FTCDNL1: variants seen among roughly 807,000 people sequenced by gnomAD.
FTCDNL1 encodes the protein formiminotransferase cyclodeaminase N-terminal like, also known as formiminotransferase N-terminal subdomain-containing protein.
FTCDNL1 carries 11 observed loss-of-function variants against 5.9 expected under a neutral mutation model. That is an observed-to-expected ratio of 1.87 (90% CI 1.18 to 3.10). FTCDNL1 has a LOEUF of 3.10. Among genes scored for constraint, FTCDNL1 ranks in the 30% most tolerant of loss-of-function variants. The pLI, the probability that FTCDNL1 is intolerant of heterozygous loss-of-function variation, is 0.00. For synonymous variants in FTCDNL1, 58 were observed against 24.8 expected (o/e 2.34, Z -3.99); for missense variants, 115 against 65.5 (o/e 1.76, Z -2.61).
intron 2 of FTCDNL1, among the ~76,000 whole-genome samples, chr2:199,847,350 G>T (rs527902867): frequency 6.6e-6 from 1 of 152,072 alleles, no homozygotes; most frequent in East Asian, 1.9e-4. Context: ...AAAAGATGAA[G>T]TAAGAAGAAG....
At chr2:199,770,804 G>A (rs1266012303) in intron 3 of FTCDNL1, among the ~76,000 whole-genome samples, 9 of 152,164 alleles carry the variant, frequency 5.9e-5, no homozygotes, top group Non-Finnish European at 8.8e-5. Flanking sequence ...ACAGCTACAT[G>A]CTGAATAGAA....
downstream of FTCDNL1, among the ~76,000 whole-genome samples, chr2:199,759,149 A>ATATATG (rs1366428789): frequency 2.0e-5 from 3 of 151,812 alleles, no homozygotes; most frequent in Non-Finnish European, 4.4e-5. Flanking sequence ...GTGTATATAT[A>ATATATG]TATATACACA....
chr2:199,792,694 G>A (rs568281805), intron 3 of FTCDNL1, among the ~76,000 whole-genome samples: 1 of 152,152 alleles, frequency 6.6e-6, no homozygotes, highest in South Asian at 2.1e-4. Context: ...ATTTCCCTCT[G>A]ATGACTTCTT....
the FTCDNL1 span, among the ~76,000 whole-genome samples, chr2:199,694,502 C>T: frequency 6.6e-6 from 1 of 152,192 alleles, no homozygotes; most frequent in African/African-American, 2.4e-5. Context: ...GCTATTGCTT[C>T]AATAATGCTA....
At chr2:199,697,551 A>G in the FTCDNL1 span, among the ~76,000 whole-genome samples, 2 of 152,220 alleles carry the variant, frequency 1.3e-5, no homozygotes, top group East Asian at 3.9e-4. Context: ...GCAAAGAAAA[A>G]GCAAAATCCT....
chr2:199,719,070 T>C, the FTCDNL1 span, among the ~76,000 whole-genome samples: 4,139 of 152,238 alleles, frequency 0.027, 186 homozygotes, highest in African/African-American at 0.094. Context: ...TGTCTATTTT[T>C]GTTTTTGTTG....
intron 3 of FTCDNL1, among the ~76,000 whole-genome samples, chr2:199,803,186 C>T (rs80300783): frequency 6.0e-5 from 6 of 100,056 alleles, no homozygotes; most frequent in Admixed American, 3.9e-4. Context: ...GGAGGAATAC[C>T]GTCTCAAAAA....
the FTCDNL1 span, among the ~76,000 whole-genome samples, chr2:199,711,401 C>A: frequency 6.6e-6 from 1 of 151,786 alleles, no homozygotes; most frequent in Non-Finnish European, 1.5e-5. Context: ...GAAATGAATT[C>A]TCTGCATAAT....
At chr2:199,807,735 C>A (rs1438901108), downstream of FTCDNL1, among the ~76,000 whole-genome samples, 4 of 152,174 alleles carry the variant, frequency 2.6e-5, no homozygotes, top group Admixed American at 2.0e-4. Context: ...TATTTTAAAC[C>A]ATTAACTAAA....
At chr2:199,675,855 A>G in the FTCDNL1 span, among the ~76,000 whole-genome samples, 35 of 152,176 alleles carry the variant, frequency 2.3e-4, no homozygotes, top group Middle Eastern at 3.4e-3. Flanking sequence ...GGCTTGAGGG[A>G]TCCTCCCACC....
chr2:199,829,971 C>T (rs187670360), intron 3 of FTCDNL1, among the ~76,000 whole-genome samples: 6 of 152,154 alleles, frequency 3.9e-5, no homozygotes, highest in Non-Finnish European at 7.4e-5. Context: ...AAGTATCAAA[C>T]CTTTCCCTAA....
At chr2:199,760,291 T>C (rs1030001795), downstream of FTCDNL1, among the ~76,000 whole-genome samples, 2 of 151,564 alleles carry the variant, frequency 1.3e-5, no homozygotes, top group East Asian at 1.9e-4. Context: ...AACTTTCCCA[T>C]AACAGAGAGA....
chr2:199,819,951 A>C (rs1701584702), intron 3 of FTCDNL1, among the ~76,000 whole-genome samples, 194 bp from the exon 4 acceptor site: 1 of 152,254 alleles, frequency 6.6e-6, no homozygotes, highest in African/African-American at 2.4e-5. Flanking sequence ...CACATGATTT[A>C]TACAAATTTT....
At chr2:199,791,440 A>G (rs2106363907) in intron 3 of FTCDNL1, among the ~76,000 whole-genome samples, 1 of 152,310 alleles carries the variant, frequency 6.6e-6, no homozygotes, top group African/African-American at 2.4e-5. Flanking sequence ...TTAAACGTCA[A>G]CTATTAGATT....
At chr2:199,821,316 A>ATTTT (rs34899809) in intron 3 of FTCDNL1, among the ~76,000 whole-genome samples, 3 of 133,878 alleles carry the variant, frequency 2.2e-5, no homozygotes, top group Non-Finnish European at 3.2e-5. Context: ...AGCCTGGCTA[A>ATTTT]TTTTTTTTTT....
intron 3 of FTCDNL1, among the ~76,000 whole-genome samples, chr2:199,842,140 C>T (rs910989354): frequency 6.6e-6 from 1 of 151,792 alleles, no homozygotes; most frequent in African/African-American, 2.4e-5. Flanking sequence ...TGGCAGTGCA[C>T]ACCTATAGTC....
intron 3 of FTCDNL1, among the ~76,000 whole-genome samples, chr2:199,768,892 G>A (rs12373788): frequency 0.12 from 18,895 of 152,148 alleles, 1,561 homozygotes; most frequent in East Asian, 0.18. Flanking sequence ...CAAAGGAAAC[G>A]TTTGGATGGG....
At chr2:199,846,366 G>T (rs760085207) in intron 2 of FTCDNL1, among the ~76,000 whole-genome samples, 196 bp from the exon 3 acceptor site, 16 of 152,160 alleles carry the variant, frequency 1.1e-4, no homozygotes, top group Non-Finnish European at 2.2e-4. Flanking sequence ...TGTATAACCA[G>T]ATGGCTCAGC....
At chr2:199,788,456 C>T (rs959819246) in intron 3 of FTCDNL1, among the ~76,000 whole-genome samples, 10 of 152,118 alleles carry the variant, frequency 6.6e-5, no homozygotes, top group Non-Finnish European at 2.9e-5. Flanking sequence ...TTTAAAAGCA[C>T]TCTCTTGAAT....
Sources: allele counts gnomAD v4.1 joint callset (sites outside exome capture counted in the v4.1 genomes callset), GRCh38; gene constraint gnomAD v4.1.1; transcripts MANE v1.5; gene names NCBI Gene and HGNC (gene_info 2026-07-23, HGNC 2026-07-21).